PPFIA3: variants seen among roughly 807,000 people sequenced by gnomAD.
PPFIA3 encodes PPFI scaffold protein A3, also known as liprin-alpha-3.
A neutral mutation model predicts 145.8 loss-of-function variants in PPFIA3; 26 were observed. That is an observed-to-expected ratio of 0.18 (90% CI 0.13 to 0.25). The LOEUF (loss-of-function observed/expected upper bound fraction) is 0.25, where lower values mean the gene tolerates loss of function less well. PPFIA3 is among the 10% of genes least tolerant of loss of function. The pLI is 1.00. For missense variants in PPFIA3, 1,008 were observed against 1,587.8 expected (o/e 0.63, Z 6.21); for synonymous variants, 645 against 661.4 (o/e 0.98, Z 0.38).
At chr19:49,132,120 G>C (rs1027599275) in intron 7 of PPFIA3, among the ~76,000 whole-genome samples, 1 of 151,388 alleles carries the variant, frequency 6.6e-6, no homozygotes, top group Non-Finnish European at 1.5e-5. Flanking sequence ...AGTGCTGGTT[G>C]CTCATGCCTG....
rs1179451329 is a variant in PPFIA3, at chr19:49,133,550, C to T, written c.1161+179C>T. ...AATGGGGAGGGCCTGGAGGTTTGCG[C>T]GGGGGACGGATGGGAGCGGGGTTCT... On this transcript the variant is annotated intron_variant, in intron 9 of 29. Coordinates refer to ENST00000334186, the MANE Select transcript of PPFIA3 (RefSeq NM_003660.4). This position sits in a 1 kb window ranked among gnomAD's most constrained non-coding sequence, Gnocchi z 7.2. 2.0e-5 allele frequency among the ~76,000 whole-genome samples: 3 copies of T among 149,374 alleles called. No homozygotes were observed. Among genetic ancestry groups the T allele is most frequent in the Non-Finnish European group, 4.4e-5 (3 of 67,540 alleles).
chr19:49,139,846 G>C lies in PPFIA3; in HGVS notation c.2240+15G>C. 1 of 1,610,120 alleles carries C rather than the reference G, an allele frequency of 6.2e-7. No individual in the cohort carries two copies. Among genetic ancestry groups the C allele is most frequent in the Non-Finnish European group, 8.5e-7 (1 of 1,177,370 alleles). On this transcript the variant is annotated intron_variant, in intron 17 of 29. Coordinates refer to ENST00000334186, the MANE Select transcript of PPFIA3 (RefSeq NM_003660.4). Reference sequence around the variant, plus strand: ...CCACGGGGAAGGTCAGCAGGGACAAGGGATAGGGACAGGGAGAAGCTGGCT... The same window carrying C: ...CCACGGGGAAGGTCAGCAGGGACAACGGATAGGGACAGGGAGAAGCTGGCT...
chr19:49,148,956 C>G, intron 25 of PPFIA3, 37 bp from the exon 26 acceptor site: 1 of 1,606,356 alleles, frequency 6.2e-7, no homozygotes, highest in Non-Finnish European at 8.5e-7. Flanking sequence ...CTCCAGGCCA[C>G]GGGAGGGGCA....
chr19:49,140,331 T>G (rs2041204339), intron 18 of PPFIA3, among the ~76,000 whole-genome samples: 1 of 152,058 alleles, frequency 6.6e-6, no homozygotes, highest in African/African-American at 2.4e-5. Flanking sequence ...TTACTTATTT[T>G]TTTGTTGTTT....
chr19:49,131,205 G>A (rs2041066684), intron 7 of PPFIA3, among the ~76,000 whole-genome samples: 1 of 121,730 alleles, frequency 8.2e-6, no homozygotes, highest in Non-Finnish European at 1.6e-5. Flanking sequence ...GTCTAGCTGT[G>A]TCGCCCAGGC....
Position 49,130,689 on chromosome 19 carries a change from G to A in PPFIA3, c.879+90G>A. The A allele has an allele frequency of 1.8e-6, 2 of 1,120,740 alleles. No individual in the cohort carries two copies. Among genetic ancestry groups the A allele is most frequent in the Non-Finnish European group, 2.5e-6 (2 of 794,060 alleles). 69.4% of individuals were successfully genotyped at this position (1,120,740 alleles called of 1,614,324 possible). ...CATTGCTCATGAATGGCGGAACCTC[G>A]ATTCAGTCCACAGGCTGGGTGACTC... On this transcript the variant is annotated intron_variant, in intron 7 of 29. Coordinates refer to ENST00000334186, the MANE Select transcript of PPFIA3 (RefSeq NM_003660.4). The surrounding 1 kb of genome is among the most constrained non-coding windows in gnomAD (Gnocchi z 4.5).
In PPFIA3 at chr19:49,150,251, C is replaced by A; in HGVS notation, c.*29C>A. The A allele has an allele frequency of 1.8e-6, 2 of 1,098,366 alleles. No homozygotes were observed. The highest frequency in any genetic ancestry group is 2.6e-6 in the Non-Finnish European group (2 of 765,502). 68.0% of individuals were successfully genotyped at this position (1,098,366 alleles called of 1,614,324 possible). A position where few individuals can be genotyped will look rare whatever the true frequency, so the allele number is the denominator to read the frequency against. On this transcript the variant is annotated 3_prime_UTR_variant, in exon 30 of 30. Coordinates refer to ENST00000334186, the MANE Select transcript of PPFIA3 (RefSeq NM_003660.4). ...CGTCATGCAGGTGACCTCACTCGGA[C>A]GGAAGAATCTTCCCGAGGCTGGGCT...
chr19:49,142,035 C>T lies in PPFIA3; in HGVS notation c.2464C>T (p.His822Tyr), dbSNP rs1163466501. 1.9e-6 allele frequency: 3 copies of T among 1,564,542 alleles called. No individual in the cohort carries two copies. Among genetic ancestry groups the T allele is most frequent in the Non-Finnish European group, 2.6e-6 (3 of 1,153,992 alleles). ...GDKDRRNKRK[H>Y]ELLEEACRQG... ...ATCCTGGCCCCTTCACCCTTACAGG[C>T]ATGAACTCCTGGAGGAGGCCTGCCG... Residue 822 changes from histidine to tyrosine, a missense_variant and splice_region_variant, in exon 20 of 30, where the codon CAT becomes TAT. Around this residue, in one of 11 missense-constraint regions of PPFIA3, gnomAD observed 154 missense variants for 369.2 expected, o/e 0.42. Transcript: ENST00000334186.
At position 49,136,783 on chromosome 19, in the gene PPFIA3, C is replaced by T. The variant is rs764827131; in HGVS notation, c.1725C>T (p.Asp575=). The change falls in exon 15 of 30, where the codon GAC becomes GAT. Residue 575 remains aspartate (D), a synonymous_variant. Coordinates refer to ENST00000334186, the MANE Select transcript of PPFIA3 (RefSeq NM_003660.4). ...SIPPPFPGEL[D]GSDEEEAEGM... Reference sequence around the variant, plus strand: ...CACCCCCATTCCCTGGGGAACTGGACGGCTCCGATGAGGAGGAGGCAGAGG... The same window carrying T: ...CACCCCCATTCCCTGGGGAACTGGATGGCTCCGATGAGGAGGAGGCAGAGG... 40 of 1,588,814 alleles carry T rather than the reference C, an allele frequency of 2.5e-5. No individual in the cohort carries two copies. The highest frequency in any genetic ancestry group is 6.8e-5 in the East Asian group (3 of 44,162).
In PPFIA3 at chr19:49,137,628, C is replaced by CAAAA. The variant is rs3032695; in HGVS notation, c.1854-550_1854-547dup. 3.4e-3 allele frequency among the ~76,000 whole-genome samples: 150 copies of CAAAA among 43,776 alleles called. 8 individuals are homozygous for CAAAA. Among genetic ancestry groups the CAAAA allele is most frequent in the African/African-American group, 8.0e-3 (92 of 11,462 alleles). The allele number at this position is 43,776 out of a possible 152,430, so 28.7% of individuals were successfully genotyped here. ...TGGGCTACAGAGCGAGACTCCGTGTCAAAAAAAAAAAAAAAAAAAAAAAAA... is the reference window on the plus strand; with the variant it reads ...TGGGCTACAGAGCGAGACTCCGTGTCAAAAAAAAAAAAAAAAAAAAAAAAAAAAA... On this transcript the variant is annotated intron_variant, in intron 15 of 29. Transcript: ENST00000334186.
rs1457125353 is a variant in PPFIA3, at chr19:49,128,106, T to C, written c.233T>C (p.Leu78Pro). ...CTGCAGCGCCAGCTCAGCATCGCGC[T>C]GCCCCAGGTCTGGGCGGGACAGGGG... The part of the protein sequence containing the change: ...DSLQRQLSIA[L>P]PQEFAALTKE... The change falls in exon 2 of 30, where the codon CTG becomes CCG. Residue 78 changes from leucine to proline, a missense_variant. Transcript: ENST00000334186. The surrounding 1 kb of genome is among the most constrained non-coding windows in gnomAD (Gnocchi z 4.1). 8.3e-7 allele frequency: 1 copy of C among 1,207,224 alleles called. No homozygotes were observed. Among genetic ancestry groups the C allele is most frequent in the Non-Finnish European group, 1.1e-6 (1 of 902,290 alleles). The allele number at this position is 1,207,224 out of a possible 1,614,324, so 74.8% of individuals were successfully genotyped here.
intron 1 of PPFIA3, among the ~76,000 whole-genome samples, chr19:49,124,592 A>T (rs2040974572): frequency 1.3e-5 from 2 of 152,178 alleles, no homozygotes; most frequent in Admixed American, 6.6e-5. Context: ...TTCTTACCCC[A>T]AGCCATTGAA....
intron 16 of PPFIA3, 89 bp from the exon 17 acceptor site, chr19:49,139,579 A>C: frequency 2.2e-6 from 3 of 1,393,218 alleles, no homozygotes; most frequent in East Asian, 4.7e-5. Flanking sequence ...GGGTCACCCC[A>C]CACACACCTT....
intron 19 of PPFIA3, 131 bp downstream of exon 19, chr19:49,141,644 C>CGGT: frequency 1.6e-6 from 1 of 635,510 alleles, no homozygotes; most frequent in Non-Finnish European, 2.5e-6. Flanking sequence ...GTGTGTGCAG[C>CGGT]GGTGGTGGTG....
At chr19:49,136,691 A>T (rs2303052) in intron 14 of PPFIA3, 33 bp from the exon 15 acceptor site, 1 of 1,358,832 alleles carries the variant, frequency 7.4e-7, no homozygotes, top group Non-Finnish European at 9.6e-7. Flanking sequence ...GCCCCCAGCC[A>T]CCTAATGTCC....
At chr19:49,148,876 G>A in intron 25 of PPFIA3, 113 bp downstream of exon 25, 1 of 1,545,468 alleles carries the variant, frequency 6.5e-7, no homozygotes, top group Non-Finnish European at 8.9e-7. Context: ...TAACCGTGGG[G>A]GTGGAGCCAG....
chr19:49,144,738 G>A (rs1255298695), intron 21 of PPFIA3, among the ~76,000 whole-genome samples: 2 of 151,844 alleles, frequency 1.3e-5, no homozygotes. Flanking sequence ...TAGAATTTTG[G>A]AGCATTTTGG....
Position 49,134,911 on chromosome 19 carries a change from T to C in PPFIA3, c.1516T>C (p.Ser506Pro). ...QLRGRPPSSY[S>P]RSLPGSALEL... Reference sequence around the variant, plus strand: ...GCGGGGGAGGCCACCATCCTCCTACTCCAGGTGACAGCAGCCCTTCTGCCC... The same window carrying C: ...GCGGGGGAGGCCACCATCCTCCTACCCCAGGTGACAGCAGCCCTTCTGCCC... Residue 506 changes from serine (S) to proline (P), a missense_variant, in exon 13 of 30, where the codon TCC becomes CCC. By Grantham distance (74) the Ser-to-Pro change is moderately conservative. This residue lies in a region of PPFIA3 where 121 missense variants were observed against 138.2 expected (regional missense o/e 0.88). Coordinates refer to ENST00000334186, the MANE Select transcript of PPFIA3 (RefSeq NM_003660.4). The C allele has an allele frequency of 6.4e-7, 1 of 1,563,796 alleles. No individual in the cohort carries two copies. The highest frequency in any genetic ancestry group is 8.7e-7 in the Non-Finnish European group (1 of 1,152,950).
chr19:49,132,864 C>A, intron 7 of PPFIA3, 137 bp from the exon 8 acceptor site: 1 of 1,130,196 alleles, frequency 8.8e-7, no homozygotes. Flanking sequence ...ATGGGCTAGT[C>A]CTGGGAGCTC....
Sources: allele counts gnomAD v4.1 joint callset (sites outside exome capture counted in the v4.1 genomes callset), GRCh38; gene constraint gnomAD v4.1.1; regional missense constraint gnomAD v4.1.1; non-coding constraint Gnocchi (gnomAD v3.1); transcripts MANE v1.5; gene names NCBI Gene and HGNC (gene_info 2026-07-23, HGNC 2026-07-21).